The following SCHIP1 variants were observed in gnomAD, a reference collection of about 807,000 sequenced individuals.
SCHIP1 encodes schwannomin-interacting protein 1.
Under a neutral mutation model 29.7 loss-of-function variants are expected in SCHIP1, and 8 were observed. The ratio of observed to expected loss-of-function variants is 0.27; its 90% confidence interval spans 0.16 to 0.49. The LOEUF is 0.49. SCHIP1 is among the 20% of genes least tolerant of loss of function. The pLI, the probability that SCHIP1 is intolerant of heterozygous loss-of-function variation, is 0.99. For missense variants in SCHIP1, 193 were observed against 294.6 expected, an observed-to-expected ratio of 0.66 and a Z score of 2.52; for synonymous variants, 76 against 94.9, an observed-to-expected ratio of 0.80 and a Z score of 1.16.
chr3:159,609,253 T>G, the SCHIP1 span, among the ~76,000 whole-genome samples: 1 of 151,864 alleles, frequency 6.6e-6, no homozygotes, highest in Non-Finnish European at 1.5e-5. Flanking sequence ...ACTAGGTGGG[T>G]AGGGGGGAAG....
chr3:159,466,421 G>T, the SCHIP1 span, among the ~76,000 whole-genome samples: 1 of 152,104 alleles, frequency 6.6e-6, no homozygotes, highest in Admixed American at 6.6e-5. Flanking sequence ...CTTGGTTTCC[G>T]AATGTGTACA....
At chr3:159,739,763 G>A in the SCHIP1 span, among the ~76,000 whole-genome samples, 1 of 152,282 alleles carries the variant, frequency 6.6e-6, no homozygotes, top group African/African-American at 2.4e-5. Context: ...AATTACTTGT[G>A]CTTCTTGAAT....
At chr3:159,631,444 C>T in the SCHIP1 span, among the ~76,000 whole-genome samples, 1 of 152,080 alleles carries the variant, frequency 6.6e-6, no homozygotes, top group African/African-American at 2.4e-5. Flanking sequence ...CAAGTGTTGA[C>T]CAGCCAATGA....
At chr3:159,854,442 A>G (rs546116123) in intron 1 of SCHIP1, among the ~76,000 whole-genome samples, 1 of 152,316 alleles carries the variant, frequency 6.6e-6, no homozygotes, top group Admixed American at 6.5e-5. Flanking sequence ...AGGAGTTCAC[A>G]ACAGCTTATG....
At chr3:159,411,146 G>A in the SCHIP1 span, among the ~76,000 whole-genome samples, 1 of 152,040 alleles carries the variant, frequency 6.6e-6, no homozygotes, top group African/African-American at 2.4e-5. Flanking sequence ...TTGTGGTGGG[G>A]GAGGGGGCAC....
At chr3:159,458,944 G>A in the SCHIP1 span, among the ~76,000 whole-genome samples, 3 of 152,138 alleles carry the variant, frequency 2.0e-5, no homozygotes, top group African/African-American at 7.2e-5. Context: ...TCTTAATGCA[G>A]TTTAACATGC....
At chr3:159,764,375 T>A in the SCHIP1 span, 8 of 1,500,146 alleles carry the variant, frequency 5.3e-6, no homozygotes, top group Admixed American at 2.2e-5. The surrounding 1 kb of genome is among the most constrained non-coding windows in gnomAD (Gnocchi z 6.1). Flanking sequence ...GCCGGGGCAT[T>A]TGGGGCGGGT....
At chr3:159,489,491 A>G in the SCHIP1 span, among the ~76,000 whole-genome samples, 42,060 of 152,102 alleles carry the variant, frequency 0.28, 6,030 homozygotes, top group East Asian at 0.4. Flanking sequence ...TTTCTAAAAC[A>G]TTATTTGTGA....
the SCHIP1 span, among the ~76,000 whole-genome samples, chr3:159,314,023 T>C: frequency 6.6e-6 from 1 of 152,204 alleles, no homozygotes; most frequent in Non-Finnish European, 1.5e-5. Flanking sequence ...ACTAGTGATA[T>C]TATCTTTGTT....
chr3:159,387,480 G>A, the SCHIP1 span: 3 of 178,142 alleles, frequency 1.7e-5, no homozygotes, highest in African/African-American at 7.2e-5. Flanking sequence ...CGCAGTCCTG[G>A]TGTTATTTGC....
the SCHIP1 span, among the ~76,000 whole-genome samples, chr3:159,719,399 A>G: frequency 6.6e-6 from 1 of 152,214 alleles, no homozygotes; most frequent in Admixed American, 6.5e-5. Context: ...TAATTAAACT[A>G]AAGAGCTTCT....
At chr3:159,350,640 G>A in the SCHIP1 span, among the ~76,000 whole-genome samples, 1 of 151,920 alleles carries the variant, frequency 6.6e-6, no homozygotes, top group Admixed American at 6.6e-5. Flanking sequence ...AAATTTTATT[G>A]TGTATATTTA....
chr3:159,644,128 A>G, the SCHIP1 span, among the ~76,000 whole-genome samples: 3 of 152,124 alleles, frequency 2.0e-5, no homozygotes, highest in Non-Finnish European at 4.4e-5. Flanking sequence ...CATTTTCCTC[A>G]GGTGCTTTAC....
the SCHIP1 span, among the ~76,000 whole-genome samples, chr3:159,275,820 TTTTC>T: frequency 6.6e-6 from 1 of 152,120 alleles, no homozygotes; most frequent in Non-Finnish European, 1.5e-5. Context: ...TCACATTTCT[TTTTC>T]TTTCTTTCTT....
At chr3:159,615,635 C>T in the SCHIP1 span, among the ~76,000 whole-genome samples, 4 of 152,226 alleles carry the variant, frequency 2.6e-5, no homozygotes, top group Admixed American at 2.6e-4. Flanking sequence ...AACTGCTTAG[C>T]ACATGCAGCA....
the SCHIP1 span, among the ~76,000 whole-genome samples, chr3:159,541,593 G>A: frequency 1.3e-5 from 2 of 151,986 alleles, no homozygotes; most frequent in African/African-American, 4.8e-5. Flanking sequence ...ATGGAAAAGT[G>A]GCAGGCAGTG....
chr3:159,330,161 AG>A, the SCHIP1 span, among the ~76,000 whole-genome samples: 1 of 152,192 alleles, frequency 6.6e-6, no homozygotes. Flanking sequence ...CTTTTCTTTA[AG>A]ATTGTCAAGA....
At chr3:159,354,974 C>A in the SCHIP1 span, among the ~76,000 whole-genome samples, 1 of 152,162 alleles carries the variant, frequency 6.6e-6, no homozygotes, top group Non-Finnish European at 1.5e-5. Flanking sequence ...ATTGACAAGT[C>A]TGAATCCATT....
chr3:159,519,484 A>G, the SCHIP1 span, among the ~76,000 whole-genome samples: 175 of 152,314 alleles, frequency 1.1e-3, 1 homozygote, highest in African/African-American at 3.7e-3. Context: ...AAAGATTCCA[A>G]TGTAAGAATT....
Sources: allele counts gnomAD v4.1 joint callset (sites outside exome capture counted in the v4.1 genomes callset), GRCh38; gene constraint gnomAD v4.1.1; non-coding constraint Gnocchi (gnomAD v3.1); transcripts MANE v1.5; gene names NCBI Gene and HGNC (gene_info 2026-07-23, HGNC 2026-07-21).